Variants in USP12 observed in about 807,000 individuals in gnomAD.
The protein encoded by USP12 is ubiquitin carboxyl-terminal hydrolase 12.
A neutral mutation model predicts 45.5 loss-of-function variants in USP12; 19 were observed. The ratio of observed to expected loss-of-function variants is 0.42; its 90% CI spans 0.29 to 0.61. The LOEUF (loss-of-function observed/expected upper bound fraction) is 0.61, where lower values mean the gene tolerates loss of function less well. Ranked by LOEUF, USP12 falls within the 20% of genes least tolerant of loss-of-function variation. USP12 has a pLI of 0.22. For synonymous variants in USP12, 149 were observed against 148.8 expected (o/e 1.00, Z -0.01); for missense variants, 242 against 447.7 (o/e 0.54, Z 4.15).
chr13:27,120,555 G>A (rs533246667), intron 1 of USP12, among the ~76,000 whole-genome samples: 13 of 151,760 alleles, frequency 8.6e-5, no homozygotes, highest in Admixed American at 6.6e-5. Flanking sequence ...TCAGGAGGCT[G>A]AGGCTGCAGT....
At chr13:27,081,751 T>C (rs1050202142) in intron 6 of USP12, among the ~76,000 whole-genome samples, 31 of 152,246 alleles carry the variant, frequency 2.0e-4, no homozygotes, top group African/African-American at 6.8e-4. Context: ...CATTGATTCA[T>C]GGGCTGCAGA....
intron 1 of USP12, among the ~76,000 whole-genome samples, chr13:27,157,627 A>C (rs572920716): frequency 6.6e-6 from 1 of 152,196 alleles, no homozygotes; most frequent in Non-Finnish European, 1.5e-5. Context: ...TGAAACATTA[A>C]ATCATGTAAG....
At position 27,083,746 on chromosome 13, in the gene USP12, TA is replaced by T. The variant is rs533573866; in HGVS notation, c.734+6136del. ...GTCTTCAGGAGCATGAATATTTAGA[TA>T]AAATATTATAAAGCAAATTCATTTG... On this transcript the variant is annotated intron_variant, in intron 6 of 8. Coordinates refer to ENST00000282344, the MANE Select transcript of USP12 (RefSeq NM_182488.4). Among the ~76,000 whole-genome samples, 19 of 152,276 alleles carry T rather than the reference TA, an allele frequency of 1.2e-4. No individual in the cohort carries two copies. In the South Asian group the frequency reaches 3.9e-3, roughly 32 times the overall value.
At chr13:27,072,472 G>A (rs1400469905) in intron 7 of USP12, among the ~76,000 whole-genome samples, 1 of 152,098 alleles carries the variant, frequency 6.6e-6, no homozygotes, top group Non-Finnish European at 1.5e-5. Flanking sequence ...TTGTTTCTTA[G>A]GCATCTGATT....
chr13:27,083,611 T>G (rs1405410336), intron 6 of USP12, among the ~76,000 whole-genome samples: 1 of 152,212 alleles, frequency 6.6e-6, no homozygotes, highest in African/African-American at 2.4e-5. Flanking sequence ...CACACTGCTA[T>G]CTTTCCTGAA....
intron 1 of USP12, among the ~76,000 whole-genome samples, chr13:27,152,483 A>G (rs952693182): frequency 6.6e-6 from 1 of 152,160 alleles, no homozygotes; most frequent in African/African-American, 2.4e-5. Context: ...GAGGGAAAGG[A>G]AAGAAGGAGG....
Position 27,069,106 on chromosome 13 carries a change from A to G in USP12, c.*177T>C, listed in dbSNP as rs1297084119. 4 of 628,488 alleles carry G rather than the reference A, an allele frequency of 6.4e-6. No individual in the cohort carries two copies. The highest frequency in any genetic ancestry group is 1.1e-5 in the Non-Finnish European group (4 of 355,818). 38.9% of individuals were successfully genotyped at this position (628,488 alleles called of 1,614,324 possible). A position where few individuals can be genotyped will look rare whatever the true frequency, so the allele number is the denominator to read the frequency against. On this transcript the variant is annotated 3_prime_UTR_variant, in exon 9 of 9. Coordinates refer to ENST00000282344, the MANE Select transcript of USP12 (RefSeq NM_182488.4). ...GCATGATACCTGAGCAAATAAATCA[A>G]CTACCATGATCGGAAGGGCTTGTCA...
intron 1 of USP12, among the ~76,000 whole-genome samples, chr13:27,132,335 C>G (rs1876541186): frequency 6.6e-6 from 1 of 151,616 alleles, no homozygotes. Context: ...TTAGTAACTT[C>G]AAACAAGAAA....
At chr13:27,095,180 AT>A (rs1366973196) in intron 4 of USP12, among the ~76,000 whole-genome samples, 1 of 152,124 alleles carries the variant, frequency 6.6e-6, no homozygotes, top group South Asian at 2.1e-4. Flanking sequence ...AGCAAGTGGG[AT>A]TTTTTCCCCT....
chr13:27,089,691 C>T (rs1874226708), intron 6 of USP12, 192 bp downstream of exon 6: 1 of 557,548 alleles, frequency 1.8e-6, no homozygotes, highest in Non-Finnish European at 3.2e-6. Context: ...CTTCAGGGTA[C>T]ACAGTTTTTG....
intron 1 of USP12, among the ~76,000 whole-genome samples, chr13:27,146,855 A>G (rs1877330818): frequency 6.6e-6 from 1 of 152,236 alleles, no homozygotes; most frequent in Non-Finnish European, 1.5e-5. Flanking sequence ...AGTTAAAATG[A>G]GGTCATGAAG....
rs114428264 is a variant in USP12 at position 27,167,338 on chromosome 13, G to A, written c.48+4254C>T. ...AATTGACCTTCCTTTTGCTTTCTTG[G>A]AGTTTTTATATTTTCCAGATTTTCT... On this transcript the variant is annotated intron_variant, in intron 1 of 8. Coordinates refer to ENST00000282344, the MANE Select transcript of USP12 (RefSeq NM_182488.4). Among the ~76,000 whole-genome samples the A allele has an allele frequency of 5.1e-3, 782 of 152,072 alleles. 7 individuals are homozygous for A. Among genetic ancestry groups the A allele is most frequent in the African/African-American group, 0.018 (746 of 41,510 alleles).
intron 1 of USP12, chr13:27,170,090 A>G (rs1878520355): frequency 5.2e-6 from 2 of 383,002 alleles, no homozygotes; most frequent in Non-Finnish European, 9.2e-6. Flanking sequence ...AGCCCAAACA[A>G]TTCTCCAAAA....
chr13:27,115,593 A>C (rs1875692248), intron 2 of USP12, among the ~76,000 whole-genome samples: 1 of 152,224 alleles, frequency 6.6e-6, no homozygotes, highest in Non-Finnish European at 1.5e-5. Context: ...CAACAGTATA[A>C]AATAAACTAC....
At chr13:27,168,477 T>C (rs1357883434) in intron 1 of USP12, among the ~76,000 whole-genome samples, 9 of 152,342 alleles carry the variant, frequency 5.9e-5, no homozygotes, top group African/African-American at 1.9e-4. Context: ...CCTCTCTACA[T>C]GTATTCTGTC....
intron 1 of USP12, among the ~76,000 whole-genome samples, chr13:27,153,131 A>C (rs567515326): frequency 2.0e-5 from 3 of 152,210 alleles, no homozygotes; most frequent in African/African-American, 7.2e-5. Flanking sequence ...CAGGAGTTCA[A>C]GACTAGCCTG....
chr13:27,101,199 A>C (rs1402400918), intron 3 of USP12, among the ~76,000 whole-genome samples: 1 of 152,210 alleles, frequency 6.6e-6, no homozygotes, highest in Non-Finnish European at 1.5e-5. Context: ...CATTTTCCTT[A>C]GAGTATACTG....
chr13:27,126,472 G>T (rs1288887183), intron 1 of USP12, among the ~76,000 whole-genome samples: 1 of 152,110 alleles, frequency 6.6e-6, no homozygotes, highest in Non-Finnish European at 1.5e-5. Flanking sequence ...TTTCTTTAGG[G>T]GTATTTTCAT....
In USP12 at chr13:27,116,519, G is replaced by T; in HGVS notation, c.126C>A (p.Val42=). The T allele has an allele frequency of 6.2e-7, 1 of 1,613,192 alleles. No individual in the cohort carries two copies. The highest frequency in any genetic ancestry group is 1.1e-5 in the South Asian group (1 of 90,926). The change falls in exon 2 of 9, where the codon GTC becomes GTA. Residue 42 remains valine (V), a synonymous_variant. Coordinates refer to ENST00000282344, the MANE Select transcript of USP12 (RefSeq NM_182488.4). ...AAGCGTATCAATGGATACTTACATT[G>T]ACTAATCCAAAATAGTGCTCATTGA... ...FPVNEHYFGL[V]NFGNTCYCNS... is the part of the protein sequence containing the mutation.
Sources: gnomAD v4.1 joint callset for allele counts (sites outside exome capture counted in the v4.1 genomes callset) on GRCh38, gnomAD v4.1.1 for gene constraint, MANE v1.5 for transcripts, NCBI Gene and HGNC (gene_info 2026-07-23, HGNC 2026-07-21) for gene names.